Variants in STARD9 observed in about 807,000 individuals in gnomAD.
STARD9 encodes StAR related lipid transfer domain containing 9.
In STARD9, 346 loss-of-function variants were observed where a neutral mutation model predicts 399.8. The ratio of observed to expected loss-of-function variants is 0.87; its 90% CI spans 0.79 to 0.95. The LOEUF is 0.95. Among genes scored for constraint, STARD9 ranks in the 40% least tolerant of loss-of-function variants. The probability of loss-of-function intolerance (pLI) is 0.00; values close to 1 mark genes in which losing one functional copy is unlikely to be tolerated. For synonymous variants in STARD9, 2,203 were observed against 2,143.5 expected (o/e 1.03, Z -0.77); for missense variants, 5,832 against 5,667.5 (o/e 1.03, Z -0.93).
chr15:42,583,082 A>T (rs1159274454), intron 1 of STARD9, among the ~76,000 whole-genome samples: 1 of 152,220 alleles, frequency 6.6e-6, no homozygotes, highest in Non-Finnish European at 1.5e-5. Context: ...GAAGAACAAT[A>T]TGTAGTGCCC....
At chr15:42,648,387 T>A (rs981726776) in intron 7 of STARD9, among the ~76,000 whole-genome samples, 1 of 152,184 alleles carries the variant, frequency 6.6e-6, no homozygotes, top group African/African-American at 2.4e-5. Context: ...GATCTTGAAC[T>A]CCTGACCGAA....
intron 1 of STARD9, among the ~76,000 whole-genome samples, chr15:42,576,040 C>G (rs1409863619): frequency 2.0e-5 from 3 of 152,086 alleles, no homozygotes; most frequent in Non-Finnish European, 2.9e-5. Flanking sequence ...GACGGCGGCT[C>G]GAGGCTTGCT....
chr15:42,614,645 T>C (rs2058919868), intron 3 of STARD9, among the ~76,000 whole-genome samples: 2 of 151,976 alleles, frequency 1.3e-5, no homozygotes, highest in African/African-American at 4.8e-5. Flanking sequence ...GACCTAGGGG[T>C]CCCACACCTG....
chr15:42,686,337 G>A lies in STARD9; in HGVS notation c.4759G>A (p.Asp1587Asn), dbSNP rs746167558. ...CACTAGTGAGAAAGAGGCGAGTTAT[G>A]ACGAAACTTATTCGGCAGACTTAGA... ...FSTSEKEASY[D>N]ETYSADLESL... The change falls in exon 23 of 33, where the codon GAC (aspartate) becomes AAC (asparagine). Residue 1587 changes from aspartate (D) to asparagine (N), a missense_variant. Around this residue, in one of 2 missense-constraint regions of STARD9, gnomAD observed 5,828 missense variants for 5,651.1 expected, o/e 1.03. Coordinates refer to ENST00000290607, the MANE Select transcript of STARD9 (RefSeq NM_020759.3). 6.5e-7 allele frequency: 1 copy of A among 1,537,354 alleles called. No individual in the cohort carries two copies. The highest frequency in any genetic ancestry group is 1.4e-5 in the African/African-American group (1 of 73,040).
At chr15:42,698,550 T>C (rs771882568) in intron 26 of STARD9, among the ~76,000 whole-genome samples, 40 of 152,198 alleles carry the variant, frequency 2.6e-4, no homozygotes, top group Non-Finnish European at 5.1e-4. Context: ...TTAGTAAGAA[T>C]AGCCGTTTGA....
intron 3 of STARD9, among the ~76,000 whole-genome samples, chr15:42,624,893 A>C (rs1452697488): frequency 6.6e-6 from 1 of 152,220 alleles, no homozygotes; most frequent in Admixed American, 6.5e-5. Flanking sequence ...GTTATCTGTT[A>C]CTGCATTTAG....
intron 10 of STARD9, among the ~76,000 whole-genome samples, chr15:42,661,517 T>C (rs1473341887): frequency 6.6e-6 from 1 of 152,048 alleles, no homozygotes; most frequent in African/African-American, 2.4e-5. Flanking sequence ...TGATCATGGC[T>C]CATTGTAACC....
intron 26 of STARD9, among the ~76,000 whole-genome samples, chr15:42,699,085 T>C (rs2060904886): frequency 6.6e-6 from 1 of 152,192 alleles, no homozygotes; most frequent in African/African-American, 2.4e-5. Context: ...AGGTACACTG[T>C]GATGTTTCAA....
chr15:42,581,561 A>C, intron 1 of STARD9: 4 of 1,049,012 alleles, frequency 3.8e-6, no homozygotes, highest in Non-Finnish European at 5.7e-6. Context: ...TCCAGCTCCT[A>C]GGGCGGGTGG....
At chr15:42,589,131 A>G (rs1187533247) in intron 3 of STARD9, among the ~76,000 whole-genome samples, 1 of 152,044 alleles carries the variant, frequency 6.6e-6, no homozygotes, top group East Asian at 1.9e-4. Flanking sequence ...AGCATTAGTG[A>G]TCAAATTTTG....
At chr15:42,714,691 C>T (rs2061319663) in intron 26 of STARD9, among the ~76,000 whole-genome samples, 1 of 152,250 alleles carries the variant, frequency 6.6e-6, no homozygotes, top group South Asian at 2.1e-4. Context: ...GGGATTCTCC[C>T]GCCCAGCCTC....
intron 15 of STARD9, among the ~76,000 whole-genome samples, chr15:42,667,338 C>T (rs183583949): frequency 9.4e-4 from 143 of 152,076 alleles, no homozygotes; most frequent in Non-Finnish European, 1.6e-3. Flanking sequence ...GCTCACGCCA[C>T]CACGCCCGAC....
chr15:42,622,091 T>C (rs1352655377), intron 3 of STARD9, among the ~76,000 whole-genome samples: 2 of 152,146 alleles, frequency 1.3e-5, no homozygotes, highest in Admixed American at 1.3e-4. Context: ...CATTCTTGCT[T>C]TCTTCCTCTC....
intron 7 of STARD9, among the ~76,000 whole-genome samples, chr15:42,648,811 C>T (rs2059697788): frequency 6.6e-6 from 1 of 151,914 alleles, no homozygotes; most frequent in Non-Finnish European, 1.5e-5. Context: ...CTATCCCATT[C>T]TTTCCTCTTC....
chr15:42,685,641 G>T lies in STARD9; in HGVS notation c.4063G>T (p.Gly1355Cys), dbSNP rs116333487. 5.7e-5 allele frequency: 88 copies of T among 1,537,160 alleles called. No homozygotes were observed. In the African/African-American group the frequency reaches 1.0e-3, roughly 17 times the overall value. ...CCCCAGCAGCCCCCCAGGAATAGTG[G>T]GTTCTTTATGTCCAAGTCCTGATAT... ...INPSSPPGIV[G>C]SLCPSPDMQE... Residue 1355 changes from glycine (G) to cysteine (C), a missense_variant, in exon 23 of 33, where the codon GGT becomes TGT. Gly to Cys is a radical substitution (Grantham distance 159, BLOSUM62 -3). This residue lies in a region of STARD9 where 5,828 missense variants were observed against 5,651.1 expected (regional missense o/e 1.03). Transcript: ENST00000290607.
chr15:42,585,566 A>T lies in STARD9; in HGVS notation c.163A>T (p.Met55Leu), dbSNP rs895883661. The change falls in exon 3 of 33, where the codon ATG (methionine) becomes TTG (leucine). Residue 55 changes from methionine to leucine, a missense_variant. Physicochemically the swap from Met to Leu is conservative, Grantham distance 15. Coordinates refer to ENST00000290607, the MANE Select transcript of STARD9 (RefSeq NM_020759.3). ...CTTTGGGGACTCCCGGGAGAAGGTT[A>T]TGGCATTTGGCTTTGATTACTGCTA... ...DGFGDSREKV[M>L]AFGFDYCYWS... 1 of 1,537,204 alleles carries T rather than the reference A, an allele frequency of 6.5e-7. No homozygotes were observed. Among genetic ancestry groups the T allele is most frequent in the African/African-American group, 1.4e-5 (1 of 73,174 alleles).
In STARD9 at chr15:42,616,554, G is replaced by A. The variant is rs532540736; in HGVS notation, c.235-18302G>A. ...TGGTTCAGAGCAAGAGCTTTGTTTA[G>A]AAGTACCTACTACTAGCTGTGTGCC... is the stretch of plus-strand genomic sequence containing the variant. On this transcript the variant is annotated intron_variant, in intron 3 of 32. Transcript: ENST00000290607. Among the ~76,000 whole-genome samples the A allele has an allele frequency of 1.4e-3, 216 of 152,282 alleles. 2 individuals carry two copies. Among genetic ancestry groups the A allele is most frequent in the African/African-American group, 5.0e-3 (208 of 41,566 alleles).
rs2060701629 is a variant in STARD9, at chr15:42,691,533, A to T, written c.9955A>T (p.Arg3319Trp). The change falls in exon 23 of 33, where the codon AGG (arginine) becomes TGG (tryptophan). Residue 3319 changes from arginine to tryptophan, a missense_variant. By Grantham distance (101) the Arg-to-Trp change is moderately radical. This residue lies in a region of STARD9 where 5,828 missense variants were observed against 5,651.1 expected (regional missense o/e 1.03). Transcript: ENST00000290607. ...TTIFSGPKHS[R>W]SSPTPQFSVV... ...AATCTTCTCTGGCCCCAAACACTCC[A>T]GGTCCTCCCCCACACCACAGTTCTC... 2 of 1,537,098 alleles carry T rather than the reference A, an allele frequency of 1.3e-6. No homozygotes were observed. The highest frequency in any genetic ancestry group is 1.7e-6 in the Non-Finnish European group (2 of 1,146,892).
intron 26 of STARD9, among the ~76,000 whole-genome samples, chr15:42,715,915 G>A (rs1345438972): frequency 6.6e-6 from 1 of 152,194 alleles, no homozygotes; most frequent in East Asian, 1.9e-4. Flanking sequence ...GTAGTGAAAG[G>A]CTTCTGACAG....
Sources: allele counts gnomAD v4.1 joint callset (sites outside exome capture counted in the v4.1 genomes callset), GRCh38; gene constraint gnomAD v4.1.1; regional missense constraint gnomAD v4.1.1; transcripts MANE v1.5; gene names NCBI Gene and HGNC (gene_info 2026-07-23, HGNC 2026-07-21).